HPSE2: variants seen among roughly 807,000 people sequenced by gnomAD.
HPSE2 encodes the protein heparanase 2 (inactive).
Under a neutral mutation model 60.5 loss-of-function variants are expected in HPSE2, and 38 were observed. That is an observed-to-expected ratio of 0.63 (90% confidence interval 0.48 to 0.82). The LOEUF (loss-of-function observed/expected upper bound fraction) is 0.82. Ranked by LOEUF, HPSE2 falls within the 40% of genes least tolerant of loss-of-function variation. The probability of loss-of-function intolerance (pLI) is 0.00; values close to 1 mark genes in which losing one functional copy is unlikely to be tolerated. For synonymous variants in HPSE2, 295 were observed against 293.2 expected (o/e 1.01, Z -0.06); for missense variants, 713 against 740.4 (o/e 0.96, Z 0.43).
At chr10:99,235,859 C>T, upstream of HPSE2, 1 of 1,488,290 alleles carries the variant, frequency 6.7e-7, no homozygotes, top group Non-Finnish European at 9.4e-7. Context: ...GACTAATTGT[C>T]CTTATCTAAA....
At chr10:98,594,415 T>C (rs1161930643) in intron 9 of HPSE2, among the ~76,000 whole-genome samples, 1 of 152,148 alleles carries the variant, frequency 6.6e-6, no homozygotes, top group East Asian at 1.9e-4. Context: ...CAGATATATA[T>C]CTATATATCT....
chr10:98,537,061 T>C (rs1330256028), intron 9 of HPSE2, among the ~76,000 whole-genome samples: 3 of 152,014 alleles, frequency 2.0e-5, no homozygotes, highest in African/African-American at 4.8e-5. Context: ...GTGTAGAAAA[T>C]GGATTGAAAG....
At chr10:99,276,197 T>G in the HPSE2 span, among the ~76,000 whole-genome samples, 1 of 152,214 alleles carries the variant, frequency 6.6e-6, no homozygotes, top group African/African-American at 2.4e-5. Context: ...GGAACAACAA[T>G]CATAACAACT....
chr10:98,727,344 T>C (rs1949112689), intron 4 of HPSE2, among the ~76,000 whole-genome samples: 1 of 152,116 alleles, frequency 6.6e-6, no homozygotes, highest in South Asian at 2.1e-4. Flanking sequence ...CAAAGACTTA[T>C]AAATATGTTC....
chr10:98,924,142 T>C (rs1178805527), intron 3 of HPSE2, among the ~76,000 whole-genome samples: 1 of 152,242 alleles, frequency 6.6e-6, no homozygotes, highest in Non-Finnish European at 1.5e-5. Context: ...GTGGTGGTTG[T>C]GGGTAAGATC....
intron 3 of HPSE2, among the ~76,000 whole-genome samples, chr10:98,925,268 T>C (rs1045914464): frequency 2.0e-5 from 3 of 152,224 alleles, no homozygotes; most frequent in Non-Finnish European, 2.9e-5. Context: ...TGTTAAGATT[T>C]GGTGTTCAAG....
In HPSE2 at chr10:98,934,049, T is replaced by C. The variant is rs1355397631; in HGVS notation, c.611-189993A>G. ...GCCTGGCACCTTCTTCGTCTTTTTT[T>C]ATCTTTGTTGGTTGAAAGTCTGTTT... On this transcript the variant is annotated intron_variant, in intron 3 of 11. Transcript: ENST00000370552. 4.9e-5 allele frequency among the ~76,000 whole-genome samples: 7 copies of C among 143,372 alleles called. 1 individual carries two copies. Among genetic ancestry groups the C allele is most frequent in the Non-Finnish European group, 7.5e-5 (5 of 66,882 alleles). The allele number at this position is 143,372 out of a possible 152,430, so 94.1% of individuals were successfully genotyped here. A position where few individuals can be genotyped will look rare whatever the true frequency, so the allele number is the denominator to read the frequency against.
intron 3 of HPSE2, among the ~76,000 whole-genome samples, chr10:98,748,891 C>A (rs373229080): frequency 2.0e-5 from 3 of 151,334 alleles, no homozygotes; most frequent in Non-Finnish European, 2.9e-5. Context: ...AAAAAAAAAA[C>A]CATTAGATTA....
chr10:99,256,977 T>C, the HPSE2 span, among the ~76,000 whole-genome samples: 5 of 152,192 alleles, frequency 3.3e-5, no homozygotes, highest in African/African-American at 1.2e-4. Context: ...ATTTATTAGT[T>C]CCCCAAATCA....
chr10:98,730,129 T>C (rs2134281247), intron 4 of HPSE2, among the ~76,000 whole-genome samples: 1 of 152,118 alleles, frequency 6.6e-6, no homozygotes, highest in East Asian at 1.9e-4. Flanking sequence ...TTTAAAAGGA[T>C]TAAAATCATA....
intron 9 of HPSE2, among the ~76,000 whole-genome samples, chr10:98,542,799 G>A (rs1943518036): frequency 6.6e-6 from 1 of 152,196 alleles, no homozygotes; most frequent in South Asian, 2.1e-4. Context: ...AAAGAAACGA[G>A]CAAAGCCTCC....
chr10:99,168,976 C>G (rs570303298), intron 2 of HPSE2, among the ~76,000 whole-genome samples: 2 of 152,072 alleles, frequency 1.3e-5, no homozygotes, highest in East Asian at 3.9e-4. Context: ...GGGTGGATCA[C>G]AAGGTCAGGA....
chr10:99,127,664 CA>C (rs1437957166), intron 3 of HPSE2, among the ~76,000 whole-genome samples: 2 of 152,226 alleles, frequency 1.3e-5, no homozygotes, highest in Admixed American at 1.3e-4. Context: ...GAATTCATTG[CA>C]AAAAGATCAT....
intron 3 of HPSE2, among the ~76,000 whole-genome samples, chr10:99,114,032 T>C (rs760464846): frequency 6.6e-6 from 1 of 152,236 alleles, no homozygotes; most frequent in East Asian, 1.9e-4. Flanking sequence ...GCTAGGGACA[T>C]GTGAACTGCA....
At chr10:98,806,818 A>G (rs1349710028) in intron 3 of HPSE2, among the ~76,000 whole-genome samples, 1 of 152,222 alleles carries the variant, frequency 6.6e-6, no homozygotes, top group Non-Finnish European at 1.5e-5. Flanking sequence ...TTAATTACGA[A>G]AAATCTCAAA....
At chr10:99,294,055 T>C in the HPSE2 span, among the ~76,000 whole-genome samples, 25 of 152,298 alleles carry the variant, frequency 1.6e-4, no homozygotes, top group African/African-American at 5.8e-4. Context: ...ACTTAGGGCA[T>C]GAATGACCCT....
chr10:99,078,452 A>G (rs1266052059), intron 3 of HPSE2, among the ~76,000 whole-genome samples: 2 of 152,216 alleles, frequency 1.3e-5, no homozygotes, highest in African/African-American at 4.8e-5. Context: ...TAATACCTAT[A>G]CAATGTAAAT....
At chr10:98,730,121 T>C (rs1949192054) in intron 4 of HPSE2, among the ~76,000 whole-genome samples, 1 of 152,058 alleles carries the variant, frequency 6.6e-6, no homozygotes, top group Non-Finnish European at 1.5e-5. Context: ...CTCATAAATT[T>C]AAAAGGATTA....
At chr10:99,033,124 G>A (rs1266914049) in intron 3 of HPSE2, among the ~76,000 whole-genome samples, 1 of 152,074 alleles carries the variant, frequency 6.6e-6, no homozygotes, top group Non-Finnish European at 1.5e-5. Flanking sequence ...TTTCAAAAAG[G>A]TATGTAGAAA....
Sources: gnomAD v4.1 joint callset for allele counts (sites outside exome capture counted in the v4.1 genomes callset) on GRCh38, gnomAD v4.1.1 for gene constraint, MANE v1.5 for transcripts, NCBI Gene and HGNC (gene_info 2026-07-23, HGNC 2026-07-21) for gene names.